The following CDS2 variants were observed in gnomAD, a reference collection of about 807,000 sequenced individuals.
The protein encoded by CDS2 is CDP-diacylglycerol synthase 2, also known as phosphatidate cytidylyltransferase 2.
CDS2 carries 47 observed loss-of-function variants against 59.0 expected under a neutral mutation model. The ratio of observed to expected loss-of-function variants is 0.80; its 90% CI spans 0.63 to 1.02. The LOEUF (loss-of-function observed/expected upper bound fraction) is 1.02. CDS2 is among the 50% of genes least tolerant of loss of function. The pLI, the probability that CDS2 is intolerant of heterozygous loss-of-function variation, is 0.00. For missense variants in CDS2, 356 were observed against 558.9 expected (o/e 0.64, Z 3.66); for synonymous variants, 207 against 206.4 (o/e 1.00, Z -0.02).
chr20:5,146,743 C>A (rs1469701980), intron 1 of CDS2, among the ~76,000 whole-genome samples: 1 of 152,172 alleles, frequency 6.6e-6, no homozygotes, highest in African/African-American at 2.4e-5. Context: ...TAGTCCATGT[C>A]TGTTTAACTG....
chr20:5,159,641 T>C (rs1328596770), intron 1 of CDS2, among the ~76,000 whole-genome samples: 1 of 152,184 alleles, frequency 6.6e-6, no homozygotes, highest in Non-Finnish European at 1.5e-5. Context: ...TGGTAACTGC[T>C]TTGTTCTGTT....
intron 1 of CDS2, among the ~76,000 whole-genome samples, chr20:5,147,129 T>C (rs2090750071): frequency 6.6e-6 from 1 of 152,170 alleles, no homozygotes; most frequent in Non-Finnish European, 1.5e-5. Flanking sequence ...GGCTAAGCAT[T>C]GAGGTTTCTA....
chr20:5,151,857 C>G (rs2090793713), intron 1 of CDS2, among the ~76,000 whole-genome samples: 1 of 148,488 alleles, frequency 6.7e-6, no homozygotes, highest in African/African-American at 2.5e-5. Context: ...CTCTGCCTCC[C>G]AGGTTCAAGC....
At chr20:5,131,205 A>C (rs550552658) in intron 1 of CDS2, among the ~76,000 whole-genome samples, 3 of 152,198 alleles carry the variant, frequency 2.0e-5, no homozygotes, top group African/African-American at 7.2e-5. Context: ...ATTAGTATCA[A>C]AATAATCTGG....
At chr20:5,129,146 T>A (rs997709963) in intron 1 of CDS2, among the ~76,000 whole-genome samples, 1 of 152,306 alleles carries the variant, frequency 6.6e-6, no homozygotes, top group African/African-American at 2.4e-5. Flanking sequence ...TTGTGGCGTG[T>A]TGTTTCCTAA....
chr20:5,182,144 T>G (rs1457929983), intron 5 of CDS2, among the ~76,000 whole-genome samples: 1 of 152,256 alleles, frequency 6.6e-6, no homozygotes, highest in African/African-American at 2.4e-5. Flanking sequence ...ATGAACCATG[T>G]TCTAAGTTTA....
intron 1 of CDS2, among the ~76,000 whole-genome samples, chr20:5,159,590 C>G (rs558661986): frequency 3.6e-4 from 55 of 152,206 alleles, no homozygotes; most frequent in African/African-American, 1.3e-3. Context: ...CATTAACAGA[C>G]TATTAGCAAG....
At position 5,192,360 on chromosome 20, in the gene CDS2, A is replaced by AG. The variant is rs201362541; in HGVS notation, c.*2132dup. The AG allele has an allele frequency of 0.023, 2,841 of 120,926 alleles. 52 individuals carry two copies. The highest frequency in any genetic ancestry group is 0.11 in the South Asian group (355 of 3,220). 7.5% of individuals were successfully genotyped at this position (120,926 alleles called of 1,614,324 possible). Reference sequence around the variant, plus strand: ...TTACTTGGTGGGGGTGGGGTGGGGAAGGGGGGTCTAGGAAGCCGAAGCTGA... The same window carrying AG: ...TTACTTGGTGGGGGTGGGGTGGGGAAGGGGGGGTCTAGGAAGCCGAAGCTGA... On this transcript the variant is annotated 3_prime_UTR_variant, in exon 13 of 13. Transcript: ENST00000460006.
At chr20:5,127,202 CCTG>C in intron 1 of CDS2, 53 bp downstream of exon 1, 1 of 1,402,640 alleles carries the variant, frequency 7.1e-7, no homozygotes, top group East Asian at 3.1e-5. Context: ...ATCCGGGAGG[CCTG>C]CGGGGGACGC....
chr20:5,148,626 G>T (rs535476142), intron 1 of CDS2, among the ~76,000 whole-genome samples: 3 of 152,308 alleles, frequency 2.0e-5, no homozygotes, highest in Admixed American at 1.3e-4. Flanking sequence ...TCTGCTTCCA[G>T]TGTGAGGGTG....
At chr20:5,149,698 A>G (rs780166733) in intron 1 of CDS2, among the ~76,000 whole-genome samples, 1 of 150,676 alleles carries the variant, frequency 6.6e-6, no homozygotes, top group Non-Finnish European at 1.5e-5. Flanking sequence ...CACCATGCAC[A>G]GCCTTCTCCT....
Position 5,190,239 on chromosome 20 carries a change from C to A in CDS2, c.*5C>A. ...TCCACCACAGAGGACGAGTAGGGGC[C>A]ACCCAGGGCCAGGAGAACAGGAACA... On this transcript the variant is annotated 3_prime_UTR_variant, in exon 13 of 13. Transcript: ENST00000460006. 1 of 1,612,660 alleles carries A rather than the reference C, an allele frequency of 6.2e-7. No homozygotes were observed. Among genetic ancestry groups the A allele is most frequent in the East Asian group, 2.2e-5 (1 of 44,836 alleles).
chr20:5,180,654 A>G (rs1040636860), intron 5 of CDS2, among the ~76,000 whole-genome samples: 7 of 152,082 alleles, frequency 4.6e-5, no homozygotes, highest in Non-Finnish European at 7.4e-5. Flanking sequence ...GTGACCTCCT[A>G]TCTCATCCTG....
intron 1 of CDS2, among the ~76,000 whole-genome samples, chr20:5,150,985 C>G (rs752462851): frequency 6.6e-6 from 1 of 152,212 alleles, no homozygotes; most frequent in African/African-American, 2.4e-5. Flanking sequence ...GAACTCCTTG[C>G]TGGTCAGACC....
chr20:5,175,044 T>G (rs1352247340), intron 2 of CDS2, 139 bp from the exon 3 acceptor site: 135 of 652,208 alleles, frequency 2.1e-4, no homozygotes, highest in East Asian at 8.1e-5. Context: ...ATGTGGCTGG[T>G]GCCTCCGTCA....
chr20:5,145,094 A>G (rs2122978314), intron 1 of CDS2, among the ~76,000 whole-genome samples: 1 of 152,240 alleles, frequency 6.6e-6, no homozygotes, highest in East Asian at 1.9e-4. Context: ...TATTCTGACA[A>G]GGAAAGAATG....
At chr20:5,189,588 A>G (rs1217917504) in intron 11 of CDS2, 147 bp from the exon 12 acceptor site, 27 of 662,050 alleles carry the variant, frequency 4.1e-5, no homozygotes, top group Non-Finnish European at 4.9e-5. Context: ...GTGTCCTAAT[A>G]TAGCCTCACC....
intron 1 of CDS2, among the ~76,000 whole-genome samples, chr20:5,148,488 C>T (rs1006450091): frequency 6.6e-6 from 1 of 152,156 alleles, no homozygotes; most frequent in African/African-American, 2.4e-5. Flanking sequence ...AACTGAGGCT[C>T]ATGGAGACTG....
intron 10 of CDS2, among the ~76,000 whole-genome samples, chr20:5,188,510 T>C (rs1039184249): frequency 1.3e-5 from 2 of 152,238 alleles, no homozygotes; most frequent in African/African-American, 4.8e-5. Flanking sequence ...ACTTAGATAT[T>C]AGAAATTTAC....
Sources: allele counts gnomAD v4.1 joint callset (sites outside exome capture counted in the v4.1 genomes callset), GRCh38; gene constraint gnomAD v4.1.1; transcripts MANE v1.5; gene names NCBI Gene and HGNC (gene_info 2026-07-23, HGNC 2026-07-21).